The following AUNIP variants were observed in gnomAD, a reference collection of about 807,000 sequenced individuals.
AUNIP encodes aurora kinase A and ninein interacting protein.
In AUNIP, 16 loss-of-function variants were observed where a neutral mutation model predicts 12.2. The observed-to-expected ratio is 1.31, with a 90% CI of 0.88 to 1.99. AUNIP has a LOEUF of 1.99. Ranked by LOEUF, AUNIP falls within the 30% of genes most tolerant of loss-of-function variation. The pLI, the probability that AUNIP is intolerant of heterozygous loss-of-function variation, is 0.00. For missense variants in AUNIP, 411 were observed against 419.1 expected, an observed-to-expected ratio of 0.98 and a Z score of 0.17; for synonymous variants, 142 against 154.8, an observed-to-expected ratio of 0.92 and a Z score of 0.61.
intron 1 of AUNIP, 23 bp from the exon 2 acceptor site, chr1:25,837,577 A>G: frequency 6.2e-7 from 1 of 1,604,810 alleles, no homozygotes; most frequent in Non-Finnish European, 8.5e-7. Context: ...AGAAAAAAGA[A>G]TAATGAGCCT....
intron 1 of AUNIP, among the ~76,000 whole-genome samples, chr1:25,848,676 A>G (rs1162564106): frequency 6.6e-6 from 1 of 152,150 alleles, no homozygotes; most frequent in Non-Finnish European, 1.5e-5. Flanking sequence ...CAGGCCATGC[A>G]TTAACAGCAT....
At chr1:25,845,370 TCTA>T (rs1480057875) in intron 1 of AUNIP, among the ~76,000 whole-genome samples, 3 of 152,344 alleles carry the variant, frequency 2.0e-5, no homozygotes, top group Non-Finnish European at 4.4e-5. Context: ...TACCTTTTTC[TCTA>T]CTACCAAAAG....
chr1:25,834,732 A>G lies in AUNIP; in HGVS notation c.*261T>C. 1 of 1,307,446 alleles carries G rather than the reference A, an allele frequency of 7.6e-7. No individual in the cohort carries two copies. The highest frequency in any genetic ancestry group is 9.7e-7 in the Non-Finnish European group (1 of 1,028,652). 81.0% of individuals were successfully genotyped at this position (1,307,446 alleles called of 1,614,324 possible). On this transcript the variant is annotated 3_prime_UTR_variant, in exon 3 of 3. Coordinates refer to ENST00000374298, the MANE Select transcript of AUNIP (RefSeq NM_024037.3). ...GGCACTTTCATAGAGATAAATACCCACTGTGCTGCCTCAGTGTTCATCATA... is the reference window on the plus strand; with the variant it reads ...GGCACTTTCATAGAGATAAATACCCGCTGTGCTGCCTCAGTGTTCATCATA...
chr1:25,858,049 C>T lies in AUNIP; in HGVS notation c.78+1231G>A, dbSNP rs866007676. Among the ~76,000 whole-genome samples the T allele has an allele frequency of 1.2e-3, 181 of 152,236 alleles. 1 individual carries two copies. The highest frequency in any genetic ancestry group is 4.1e-3 in the African/African-American group (169 of 41,548). The stretch of plus-strand genomic sequence containing the variant: ...GGGCGTGGTGGTGGCCGCCTGTAGT[C>T]CCAGCTACTCAGGAGGCTGAGGCAG... On this transcript the variant is annotated intron_variant, in intron 1 of 2. Coordinates refer to ENST00000374298, the MANE Select transcript of AUNIP (RefSeq NM_024037.3).
chr1:25,831,924 C>A, downstream of AUNIP: 1 of 1,613,754 alleles, frequency 6.2e-7, no homozygotes, highest in Non-Finnish European at 8.5e-7. Flanking sequence ...TCTCTAGGAA[C>A]CGGAGTTTAT....
chr1:25,834,329 C>T lies in AUNIP; in HGVS notation c.*664G>A, dbSNP rs912061286. On this transcript the variant is annotated 3_prime_UTR_variant, in exon 3 of 3. Coordinates refer to ENST00000374298, the MANE Select transcript of AUNIP (RefSeq NM_024037.3). ...ATCAGCCAGAGATTAAAAGCTCACA[C>T]ATCTGGCTGGGCGCGGTGGCTTATG... is the stretch of plus-strand genomic sequence containing the variant. 2.0e-6 allele frequency: 2 copies of T among 984,486 alleles called. No homozygotes were observed. The highest frequency in any genetic ancestry group is 3.5e-5 in the African/African-American group (2 of 56,472). 61.0% of individuals were successfully genotyped at this position (984,486 alleles called of 1,614,324 possible).
downstream of AUNIP, chr1:25,832,465 G>A: frequency 2.6e-6 from 1 of 391,292 alleles, no homozygotes; most frequent in Non-Finnish European, 4.8e-6. Flanking sequence ...ATGAATGTTT[G>A]TATACATGTT....
intron 1 of AUNIP, among the ~76,000 whole-genome samples, chr1:25,838,090 A>G (rs1423074798): frequency 1.3e-5 from 2 of 151,414 alleles, no homozygotes; most frequent in South Asian, 2.1e-4. Flanking sequence ...AATACAAAAA[A>G]AAAAAAAAAT....
chr1:25,850,016 G>A (rs1485931798), intron 1 of AUNIP, among the ~76,000 whole-genome samples: 1 of 151,904 alleles, frequency 6.6e-6, no homozygotes, highest in Non-Finnish European at 1.5e-5. Flanking sequence ...TGGCTATTAT[G>A]AGAAACGCTG....
chr1:25,833,447 A>G (rs544990646), downstream of AUNIP, among the ~76,000 whole-genome samples: 1 of 152,262 alleles, frequency 6.6e-6, no homozygotes, highest in South Asian at 2.1e-4. Flanking sequence ...TCTTCCAGGA[A>G]AATGACTGGA....
chr1:25,840,770 A>G (rs1279092997), intron 1 of AUNIP, among the ~76,000 whole-genome samples: 1 of 152,210 alleles, frequency 6.6e-6, no homozygotes, highest in East Asian at 1.9e-4. Flanking sequence ...ATTTGAGGAT[A>G]CCCAAGCTGA....
At chr1:25,855,042 C>T (rs1006550380) in intron 1 of AUNIP, among the ~76,000 whole-genome samples, 1 of 150,904 alleles carries the variant, frequency 6.6e-6, no homozygotes, top group Non-Finnish European at 1.5e-5. Flanking sequence ...CTGCAACCTC[C>T]ACCTTCTGGC....
intron 2 of AUNIP, among the ~76,000 whole-genome samples, chr1:25,836,104 C>G (rs1027967694): frequency 2.0e-5 from 3 of 152,198 alleles, no homozygotes; most frequent in Non-Finnish European, 4.4e-5. Context: ...TAAAGTCAAA[C>G]ATCGCATACG....
At chr1:25,853,967 T>C (rs1474711270) in intron 1 of AUNIP, among the ~76,000 whole-genome samples, 1 of 152,136 alleles carries the variant, frequency 6.6e-6, no homozygotes, top group Non-Finnish European at 1.5e-5. Flanking sequence ...TGTAATCCCT[T>C]TGGGAGGCCA....
At chr1:25,836,680 CT>C (rs1489092669) in intron 2 of AUNIP, among the ~76,000 whole-genome samples, 87 of 152,320 alleles carry the variant, frequency 5.7e-4, no homozygotes, top group African/African-American at 1.9e-3. Flanking sequence ...TCAATATAGA[CT>C]ATAAAATACA....
intron 1 of AUNIP, among the ~76,000 whole-genome samples, chr1:25,856,231 G>A (rs2048459110): frequency 6.6e-6 from 1 of 151,982 alleles, no homozygotes; most frequent in Non-Finnish European, 1.5e-5. Context: ...CAGGTATGGT[G>A]GCACACGCCT....
At chr1:25,837,349 G>C (rs1306489670) in intron 2 of AUNIP, 64 bp downstream of exon 2, 1 of 1,532,316 alleles carries the variant, frequency 6.5e-7, no homozygotes, top group Non-Finnish European at 8.9e-7. Flanking sequence ...GGTCTAACAT[G>C]GACAAATGAA....
intron 1 of AUNIP, among the ~76,000 whole-genome samples, chr1:25,853,289 C>T (rs899391711): frequency 1.3e-5 from 2 of 152,138 alleles, no homozygotes; most frequent in Admixed American, 6.6e-5. Context: ...TACCACAAAA[C>T]TTAGAAGCTT....
chr1:25,837,326 A>G (rs1344369929), intron 2 of AUNIP, 87 bp downstream of exon 2: 5 of 1,445,442 alleles, frequency 3.5e-6, no homozygotes, highest in Non-Finnish European at 4.7e-6. Flanking sequence ...TGGTTTCACC[A>G]TTTCTCATAA....
Sources: allele counts gnomAD v4.1 joint callset (sites outside exome capture counted in the v4.1 genomes callset), GRCh38; gene constraint gnomAD v4.1.1; transcripts MANE v1.5; gene names NCBI Gene and HGNC (gene_info 2026-07-23, HGNC 2026-07-21).